The following DSCAM variants were observed in gnomAD, a reference collection of about 807,000 sequenced individuals.
DSCAM encodes cell adhesion molecule DSCAM.
In DSCAM, 47 loss-of-function variants were observed where a neutral mutation model predicts 217.7. That is an observed-to-expected ratio of 0.22 (90% CI 0.17 to 0.28). DSCAM has a LOEUF of 0.28. DSCAM is among the 10% of genes least tolerant of loss of function. The pLI is 1.00. For synonymous variants in DSCAM, 1,056 were observed against 1,015.3 expected, an observed-to-expected ratio of 1.04 and a Z score of -0.76; for missense variants, 2,080 against 2,618.3, an observed-to-expected ratio of 0.79 and a Z score of 4.49.
intron 3 of DSCAM, among the ~76,000 whole-genome samples, chr21:40,597,711 A>G (rs1233148451): frequency 6.6e-6 from 1 of 151,890 alleles, no homozygotes; most frequent in Non-Finnish European, 1.5e-5. Context: ...TTTTGCCATG[A>G]TGACCAGGCA....
intron 1 of DSCAM, among the ~76,000 whole-genome samples, chr21:40,827,330 G>A (rs575079946): frequency 3.3e-5 from 5 of 152,046 alleles, no homozygotes; most frequent in Admixed American, 6.5e-5. Flanking sequence ...TTAGCTGGAC[G>A]TGGTGGTGCA....
chr21:40,221,740 G>A (rs979945016), intron 11 of DSCAM, among the ~76,000 whole-genome samples: 1 of 152,182 alleles, frequency 6.6e-6, no homozygotes, highest in African/African-American at 2.4e-5. Context: ...GGCCGTTGTG[G>A]TCTTCACAAT....
chr21:40,159,673 C>A (rs569605103), intron 16 of DSCAM, among the ~76,000 whole-genome samples: 4 of 152,156 alleles, frequency 2.6e-5, no homozygotes, highest in Non-Finnish European at 5.9e-5. Context: ...CCTCTGTCTC[C>A]TAGCGTTCAA....
intron 1 of DSCAM, among the ~76,000 whole-genome samples, chr21:40,741,255 T>G (rs907462438): frequency 6.6e-6 from 1 of 152,200 alleles, no homozygotes; most frequent in Admixed American, 6.5e-5. Context: ...AAACTGACAC[T>G]TAAAAATGTC....
chr21:40,435,591 T>C (rs546913417), intron 3 of DSCAM, among the ~76,000 whole-genome samples: 132 of 152,228 alleles, frequency 8.7e-4, no homozygotes, highest in African/African-American at 2.9e-3. Flanking sequence ...GTTCATTTCT[T>C]TGCCTATGCA....
At chr21:40,428,603 C>T (rs1046669081) in intron 3 of DSCAM, among the ~76,000 whole-genome samples, 12 of 152,202 alleles carry the variant, frequency 7.9e-5, no homozygotes, top group African/African-American at 2.9e-4. Flanking sequence ...TGTTGAACTG[C>T]AGTTATGAGT....
intron 3 of DSCAM, among the ~76,000 whole-genome samples, chr21:40,661,501 C>T (rs1364319924): frequency 1.3e-5 from 2 of 152,146 alleles, no homozygotes; most frequent in Non-Finnish European, 1.5e-5. Flanking sequence ...ACAAGAATGA[C>T]AGTGAGGATA....
chr21:40,097,679 C>T (rs1290533154), intron 20 of DSCAM, among the ~76,000 whole-genome samples: 1 of 152,054 alleles, frequency 6.6e-6, no homozygotes, highest in East Asian at 1.9e-4. Context: ...CGGTGGCTCA[C>T]GCCTGTAATC....
intron 32 of DSCAM, among the ~76,000 whole-genome samples, chr21:40,032,745 A>G (rs2088551525): frequency 6.6e-6 from 1 of 152,056 alleles, no homozygotes; most frequent in South Asian, 2.1e-4. Context: ...TGTGTTTTTT[A>G]TTGAAATTGC....
At chr21:40,357,917 T>C (rs1389185246) in intron 4 of DSCAM, among the ~76,000 whole-genome samples, 1 of 152,128 alleles carries the variant, frequency 6.6e-6, no homozygotes, top group African/African-American at 2.4e-5. Context: ...CGTTCTTCAG[T>C]AATACAGATT....
Position 40,037,826 on chromosome 21 carries a change from A to C in DSCAM, c.5686+4545T>G, listed in dbSNP as rs113713495. On this transcript the variant is annotated intron_variant, in intron 32 of 32. Transcript: ENST00000400454. ...ACTGGTACCAAAACACAGATATAGA[A>C]CAATGGAACAGAACAGAGCCCTCAG... is the stretch of plus-strand genomic sequence containing the variant. Among the ~76,000 whole-genome samples the C allele has an allele frequency of 4.1e-4, 53 of 130,360 alleles. 1 individual carries two copies. Among genetic ancestry groups the C allele is most frequent in the Non-Finnish European group, 7.1e-4 (43 of 60,196 alleles). The allele number at this position is 130,360 out of a possible 152,430, so 85.5% of individuals were successfully genotyped here.
intron 32 of DSCAM, among the ~76,000 whole-genome samples, chr21:40,035,241 C>A (rs1161159140): frequency 2.6e-5 from 3 of 113,892 alleles, no homozygotes; most frequent in Non-Finnish European, 5.3e-5. Flanking sequence ...AGAGTCAAGA[C>A]CCATCAGTGT....
chr21:40,265,494 A>T (rs923421670), intron 11 of DSCAM, among the ~76,000 whole-genome samples: 10 of 151,280 alleles, frequency 6.6e-5, no homozygotes, highest in Non-Finnish European at 1.2e-4. Flanking sequence ...AAAAAAAAAA[A>T]CATAAAATTC....
intron 1 of DSCAM, among the ~76,000 whole-genome samples, chr21:40,775,796 T>C (rs1431594749): frequency 6.6e-6 from 1 of 152,160 alleles, no homozygotes; most frequent in East Asian, 1.9e-4. Flanking sequence ...GTCCTTTTTG[T>C]ACATTTGTAT....
intron 3 of DSCAM, among the ~76,000 whole-genome samples, chr21:40,443,599 A>G (rs374718156): frequency 6.6e-6 from 1 of 152,340 alleles, no homozygotes; most frequent in East Asian, 1.9e-4. Context: ...GTTATGTCCA[A>G]TATGAGTTCA....
intron 3 of DSCAM, among the ~76,000 whole-genome samples, chr21:40,587,563 T>A (rs899499601): frequency 6.6e-6 from 1 of 152,260 alleles, no homozygotes; most frequent in Non-Finnish European, 1.5e-5. Context: ...ATTTTAAGAA[T>A]GCCTTTCAAT....
In DSCAM at chr21:40,012,985, T is replaced by C. The variant is rs773481044; in HGVS notation, c.*49A>G. ...TTCCGTAAAAAAAAGGTAGCTTTGA[T>C]TGAATTGTTTGAATTGTATTTACAA... On this transcript the variant is annotated 3_prime_UTR_variant, in exon 33 of 33. Transcript: ENST00000400454. The C allele has an allele frequency of 2.4e-6, 3 of 1,268,998 alleles. No individual in the cohort carries two copies. Among genetic ancestry groups the C allele is most frequent in the Non-Finnish European group, 2.0e-6 (2 of 976,238 alleles). 78.6% of individuals were successfully genotyped at this position (1,268,998 alleles called of 1,614,324 possible). A position where few individuals can be genotyped will look rare whatever the true frequency, so the allele number is the denominator to read the frequency against.
At chr21:40,130,676 C>T (rs911784961) in intron 19 of DSCAM, among the ~76,000 whole-genome samples, 11 of 152,182 alleles carry the variant, frequency 7.2e-5, no homozygotes, top group African/African-American at 2.7e-4. Flanking sequence ...TGACCACAGA[C>T]ATGAGAATGT....
chr21:40,704,622 G>T (rs773746192), intron 2 of DSCAM, among the ~76,000 whole-genome samples: 1 of 152,104 alleles, frequency 6.6e-6, no homozygotes, highest in Non-Finnish European at 1.5e-5. Context: ...TTGGGAGGCT[G>T]AGGGGAATCA....
Sources: allele counts gnomAD v4.1 joint callset (sites outside exome capture counted in the v4.1 genomes callset), GRCh38; gene constraint gnomAD v4.1.1; transcripts MANE v1.5; gene names NCBI Gene and HGNC (gene_info 2026-07-23, HGNC 2026-07-21).